MFSD6: variants seen among roughly 807,000 people sequenced by gnomAD.
MFSD6 encodes major facilitator superfamily domain-containing protein 6.
A neutral mutation model predicts 56.3 loss-of-function variants in MFSD6; 26 were observed. The ratio of observed to expected loss-of-function variants is 0.46; its 90% CI spans 0.34 to 0.64. The LOEUF is 0.64. Among genes scored for constraint, MFSD6 ranks in the 30% least tolerant of loss-of-function variants. The pLI, the probability that MFSD6 is intolerant of heterozygous loss-of-function variation, is 0.01. For synonymous variants in MFSD6, 331 were observed against 366.9 expected (o/e 0.90, Z 1.12); for missense variants, 750 against 986.2 (o/e 0.76, Z 3.21).
rs1349429128 is a variant in MFSD6 at position 190,496,119 on chromosome 2, T to C, written c.1892-1320T>C. Among the ~76,000 whole-genome samples the C allele has an allele frequency of 1.3e-5, 2 of 151,202 alleles. No individual in the cohort carries two copies. The highest frequency in any genetic ancestry group is 4.9e-5 in the African/African-American group (2 of 41,104). ...ACAAAGGACTAATATCCAGAATCTA[T>C]GACGAACTCAAACAAATTAGCAAGA... On this transcript the variant is annotated intron_variant, in intron 6 of 7. Coordinates refer to ENST00000392328, the MANE Select transcript of MFSD6 (RefSeq NM_017694.4). The surrounding 1 kb of genome is among the most constrained non-coding windows in gnomAD (Gnocchi z 4.7).
At position 190,413,273 on chromosome 2, in the gene MFSD6, A is replaced by G. The variant is rs1690639960; in HGVS notation, c.-175-2019A>G. 6.6e-6 allele frequency among the ~76,000 whole-genome samples: 1 copy of G among 152,074 alleles called. No individual in the cohort carries two copies. The highest frequency in any genetic ancestry group is 6.6e-5 in the Admixed American group (1 of 15,260). The stretch of plus-strand genomic sequence containing the variant: ...TGACCTGGTGGTCCTGCTGCATTTT[A>G]GGATGGGAGGGGCGGGGTAGAATGG... On this transcript the variant is annotated intron_variant, in intron 1 of 7. Transcript: ENST00000392328. The surrounding 1 kb of genome is among the most constrained non-coding windows in gnomAD (Gnocchi z 4.1).
intron 1 of MFSD6, among the ~76,000 whole-genome samples, chr2:190,408,858 G>C (rs1417149942): frequency 6.6e-6 from 1 of 152,152 alleles, no homozygotes; most frequent in East Asian, 1.9e-4. Context: ...AGCCCTCGCC[G>C]GGCGCCCACA....
intron 4 of MFSD6, among the ~76,000 whole-genome samples, chr2:190,483,650 C>T (rs1688832102): frequency 6.6e-6 from 1 of 151,984 alleles, no homozygotes; most frequent in Admixed American, 6.6e-5. Context: ...TCCTGGCCAA[C>T]ATGGTGAAAC....
intron 4 of MFSD6, among the ~76,000 whole-genome samples, chr2:190,472,231 C>A (rs1687986779): frequency 6.6e-6 from 1 of 152,224 alleles, no homozygotes. Context: ...TGGAACAAAG[C>A]TGGACAGAGA....
At chr2:190,420,387 T>G (rs1685568281) in intron 2 of MFSD6, among the ~76,000 whole-genome samples, 1 of 151,990 alleles carries the variant, frequency 6.6e-6, no homozygotes, top group African/African-American at 2.4e-5. Context: ...ATAAGGGCAT[T>G]AATCCCATCA....
Position 190,495,036 on chromosome 2 carries a change from A to G in MFSD6, c.1892-2403A>G, listed in dbSNP as rs1689586222. ...AAGAGAAGGAAATAAAGGGCATCCA[A>G]ATAGGTAAAGAGGAAGTCAAACTGT... On this transcript the variant is annotated intron_variant, in intron 6 of 7. Coordinates refer to ENST00000392328, the MANE Select transcript of MFSD6 (RefSeq NM_017694.4). The surrounding 1 kb of genome is among the most constrained non-coding windows in gnomAD (Gnocchi z 4.7). 6.6e-6 allele frequency among the ~76,000 whole-genome samples: 1 copy of G among 152,218 alleles called. No individual in the cohort carries two copies. Among genetic ancestry groups the G allele is most frequent in the African/African-American group, 2.4e-5 (1 of 41,468 alleles).
intron 2 of MFSD6, among the ~76,000 whole-genome samples, chr2:190,429,412 G>A (rs568621214): frequency 3.3e-5 from 5 of 150,644 alleles, no homozygotes; most frequent in African/African-American, 4.9e-5. Flanking sequence ...TGCAACCTCC[G>A]TCTCCTGGGT....
At position 190,412,374 on chromosome 2, in the gene MFSD6, T is replaced by C. The variant is rs543247795; in HGVS notation, c.-175-2918T>C. On this transcript the variant is annotated intron_variant, in intron 1 of 7. Transcript: ENST00000392328. This position sits in a 1 kb window ranked among gnomAD's most constrained non-coding sequence, Gnocchi z 4.1. ...TTATCCAACATTTCATTTTGGGTTC[T>C]AATTATGTTTTAGGCAGAAGGAAAT... 318 of 984,884 alleles carry C rather than the reference T, an allele frequency of 3.2e-4. No homozygotes were observed. The highest frequency in any genetic ancestry group is 2.2e-3 in the Admixed American group (36 of 16,294). The allele number at this position is 984,884 out of a possible 1,614,324, so 61.0% of individuals were successfully genotyped here.
intron 4 of MFSD6, among the ~76,000 whole-genome samples, chr2:190,478,224 G>A (rs985400078): frequency 6.6e-6 from 1 of 152,150 alleles, no homozygotes. Context: ...TAGAAACCTA[G>A]CTACTGGTCT....
At chr2:190,481,434 T>A (rs1181003744) in intron 4 of MFSD6, among the ~76,000 whole-genome samples, 1 of 152,238 alleles carries the variant, frequency 6.6e-6, no homozygotes, top group Admixed American at 6.5e-5. Context: ...CCATAAATGC[T>A]TTCTTCGTCA....
chr2:190,492,255 T>C lies in MFSD6; in HGVS notation c.1891+2389T>C, dbSNP rs780657631. Reference sequence around the variant, plus strand: ...ATTTGATGAAATAATCAAGGAAAACTTGCTAGAGACCTAAACATCCAAATA... The same window carrying C: ...ATTTGATGAAATAATCAAGGAAAACCTGCTAGAGACCTAAACATCCAAATA... On this transcript the variant is annotated intron_variant, in intron 6 of 7. Coordinates refer to ENST00000392328, the MANE Select transcript of MFSD6 (RefSeq NM_017694.4). This position sits in a 1 kb window ranked among gnomAD's most constrained non-coding sequence, Gnocchi z 5.2. Among the ~76,000 whole-genome samples, 2 of 152,172 alleles carry C rather than the reference T, an allele frequency of 1.3e-5. No homozygotes were observed. The highest frequency in any genetic ancestry group is 2.9e-5 in the Non-Finnish European group (2 of 68,030).
In MFSD6 at chr2:190,437,608, C is replaced by T. The variant is rs773191849; in HGVS notation, c.1532+47C>T. The T allele has an allele frequency of 6.4e-7, 1 of 1,567,902 alleles. No homozygotes were observed. The highest frequency in any genetic ancestry group is 1.8e-5 in the Admixed American group (1 of 54,672). The stretch of plus-strand genomic sequence containing the variant: ...CTGCCCCTCAGCAATTGAACTTTAT[C>T]TTTTTATGGTTTATAGCTCCTTCTA... On this transcript the variant is annotated intron_variant, in intron 3 of 7. Transcript: ENST00000392328. This position sits in a 1 kb window ranked among gnomAD's most constrained non-coding sequence, Gnocchi z 5.9.
At chr2:190,430,764 A>G (rs1685945264) in intron 2 of MFSD6, among the ~76,000 whole-genome samples, 1 of 142,958 alleles carries the variant, frequency 7.0e-6, no homozygotes, top group Non-Finnish European at 1.5e-5. Context: ...GGGGCTCCTC[A>G]CTTCCCAGAA....
rs1238732521 is a variant in MFSD6 at position 190,500,575 on chromosome 2, A to T, written c.*357A>T. 1 of 203,212 alleles carries T rather than the reference A, an allele frequency of 4.9e-6. No individual in the cohort carries two copies. The highest frequency in any genetic ancestry group is 1.0e-5 in the Non-Finnish European group (1 of 99,312). 12.6% of individuals were successfully genotyped at this position (203,212 alleles called of 1,614,324 possible). A position where few individuals can be genotyped will look rare whatever the true frequency, so the allele number is the denominator to read the frequency against. On this transcript the variant is annotated 3_prime_UTR_variant, in exon 8 of 8. Coordinates refer to ENST00000392328, the MANE Select transcript of MFSD6 (RefSeq NM_017694.4). The surrounding 1 kb of genome is among the most constrained non-coding windows in gnomAD (Gnocchi z 5.3). The stretch of plus-strand genomic sequence containing the variant: ...AGGGAATGAAAGTGTTTCGAGGTGA[A>T]TGTGGATATAATTTCCCTCTTCTGA...
At chr2:190,453,874 A>G (rs1686875808) in intron 3 of MFSD6, among the ~76,000 whole-genome samples, 1 of 152,234 alleles carries the variant, frequency 6.6e-6, no homozygotes, top group East Asian at 1.9e-4. Context: ...AGACTTGACC[A>G]GCAAACAAAT....
chr2:190,497,797 T>C lies in MFSD6; in HGVS notation c.2172+78T>C, dbSNP rs999285376. Reference sequence around the variant, plus strand: ...ACTGGGCTCAGTTTTAATTACTCACTTTTCATTCAACAAGATTTATTGAAA... The same window carrying C: ...ACTGGGCTCAGTTTTAATTACTCACCTTTCATTCAACAAGATTTATTGAAA... On this transcript the variant is annotated intron_variant, in intron 7 of 7. Transcript: ENST00000392328. The surrounding 1 kb of genome is among the most constrained non-coding windows in gnomAD (Gnocchi z 5.2). 6.9e-7 allele frequency: 1 copy of C among 1,454,838 alleles called. No homozygotes were observed. Among genetic ancestry groups the C allele is most frequent in the Non-Finnish European group, 9.3e-7 (1 of 1,070,736 alleles). The allele number at this position is 1,454,838 out of a possible 1,614,324, so 90.1% of individuals were successfully genotyped here. A position where few individuals can be genotyped will look rare whatever the true frequency, so the allele number is the denominator to read the frequency against.
rs779564153 is a variant in MFSD6 at position 190,417,998 on chromosome 2, G to GTGTGTGTGTA, written c.-54+2588_-54+2589insGTGTGTATGT. On this transcript the variant is annotated intron_variant, in intron 2 of 7. Transcript: ENST00000392328. The surrounding 1 kb of genome is among the most constrained non-coding windows in gnomAD (Gnocchi z 5.7). ...TGTGTGTGTGTGTGTGTGTGTGTGTGTGTATGTGAGAGAGAGAGAGATGTG... is the reference window on the plus strand; with the variant it reads ...TGTGTGTGTGTGTGTGTGTGTGTGTGTGTGTGTGTATGTATGTGAGAGAGAGAGAGATGTG... Among the ~76,000 whole-genome samples the GTGTGTGTGTA allele has an allele frequency of 3.6e-3, 546 of 150,064 alleles. 2 individuals are homozygous for GTGTGTGTGTA. Among genetic ancestry groups the GTGTGTGTGTA allele is most frequent in the African/African-American group, 0.013 (514 of 40,650 alleles).
intron 2 of MFSD6, chr2:190,435,298 T>G (rs892507563): frequency 1.3e-5 from 2 of 152,264 alleles, no homozygotes; most frequent in Admixed American, 6.5e-5. Context: ...GTAAAGATCT[T>G]TTAATCTTAT....
At position 190,434,244 on chromosome 2, in the gene MFSD6, A is replaced by G. The variant is rs867238848; in HGVS notation, c.-53-1733A>G. 8.5e-5 allele frequency among the ~76,000 whole-genome samples: 13 copies of G among 152,148 alleles called. No individual in the cohort carries two copies. The highest frequency in any genetic ancestry group is 3.4e-3 in the Middle Eastern group (1 of 294). On this transcript the variant is annotated intron_variant, in intron 2 of 7. Transcript: ENST00000392328. The surrounding 1 kb of genome is among the most constrained non-coding windows in gnomAD (Gnocchi z 4.3). ...AGGAATTAACACATATTTAATGTAT[A>G]TACTTCCTACCATCAGAATCTGTTC...
Sources: gnomAD v4.1 joint callset for allele counts (sites outside exome capture counted in the v4.1 genomes callset) on GRCh38, gnomAD v4.1.1 for gene constraint, Gnocchi (gnomAD v3.1) non-coding constraint, MANE v1.5 for transcripts, NCBI Gene and HGNC (gene_info 2026-07-23, HGNC 2026-07-21) for gene names.